Variants in BICD1 observed in about 807,000 individuals in gnomAD.
The protein encoded by BICD1 is protein bicaudal D homolog 1.
BICD1 carries 35 observed loss-of-function variants against 92.5 expected under a neutral mutation model. The ratio of observed to expected loss-of-function variants is 0.38; its 90% CI spans 0.29 to 0.50. BICD1 has a LOEUF of 0.50. Ranked by LOEUF, BICD1 falls within the 20% of genes least tolerant of loss-of-function variation. BICD1 has a pLI of 0.93. For synonymous variants in BICD1, 429 were observed against 465.1 expected, an observed-to-expected ratio of 0.92 and a Z score of 1.00; for missense variants, 950 against 1,189.8, an observed-to-expected ratio of 0.80 and a Z score of 2.97.
chr12:32,114,679 T>TA (rs1323060897), intron 1 of BICD1, among the ~76,000 whole-genome samples: 3 of 152,086 alleles, frequency 2.0e-5, no homozygotes, highest in Admixed American at 6.6e-5. Flanking sequence ...TTCAATTTAA[T>TA]AAAAAAAATT....
At chr12:32,372,637 G>A (rs181539665) in intron 9 of BICD1, among the ~76,000 whole-genome samples, 1 of 152,244 alleles carries the variant, frequency 6.6e-6, no homozygotes, top group Non-Finnish European at 1.5e-5. Context: ...CCAGCACTTT[G>A]GAAGGCTGAG....
chr12:32,142,763 A>C (rs184981693), intron 1 of BICD1, among the ~76,000 whole-genome samples: 139 of 152,218 alleles, frequency 9.1e-4, no homozygotes, highest in Non-Finnish European at 1.3e-3. Context: ...TCTTTTCTTC[A>C]ATTGTTGACA....
At chr12:32,225,621 G>GTTTTTGTTTTTGT (rs1411722126) in intron 2 of BICD1, among the ~76,000 whole-genome samples, 1 of 92,776 alleles carries the variant, frequency 1.1e-5, no homozygotes, top group African/African-American at 3.7e-5. Context: ...CTTTTTTTCT[G>GTTTTTGTTTTTGT]TTTTTTTTTT....
At chr12:32,353,927 G>T (rs1164964451) in intron 8 of BICD1, 1 of 152,140 alleles carries the variant, frequency 6.6e-6, no homozygotes, top group Non-Finnish European at 1.5e-5. Context: ...ACTGGTGTAA[G>T]AATCTGGCAG....
chr12:32,254,917 G>A (rs983186311), intron 2 of BICD1, among the ~76,000 whole-genome samples: 1 of 152,286 alleles, frequency 6.6e-6, no homozygotes, highest in African/African-American at 2.4e-5. Flanking sequence ...GATGCATTCA[G>A]TGTTTTCATG....
chr12:32,137,234 A>G (rs1053214482), intron 1 of BICD1, among the ~76,000 whole-genome samples: 1 of 152,078 alleles, frequency 6.6e-6, no homozygotes, highest in Admixed American at 6.5e-5. Flanking sequence ...GATTACAGGC[A>G]TGCGCCACCA....
chr12:32,171,117 G>T (rs910295111), intron 1 of BICD1, among the ~76,000 whole-genome samples: 1 of 152,208 alleles, frequency 6.6e-6, no homozygotes, highest in African/African-American at 2.4e-5. Context: ...TCCTGGGGAT[G>T]CCTCTCAATA....
At chr12:32,268,419 A>C (rs1281054628) in intron 2 of BICD1, among the ~76,000 whole-genome samples, 1 of 152,224 alleles carries the variant, frequency 6.6e-6, no homozygotes, top group African/African-American at 2.4e-5. Context: ...CCCATCGTAA[A>C]AAAGAAATAC....
At chr12:32,335,828 G>T (rs927983515) in intron 6 of BICD1, among the ~76,000 whole-genome samples, 1 of 151,818 alleles carries the variant, frequency 6.6e-6, no homozygotes, top group Non-Finnish European at 1.5e-5. Context: ...CAAGAGATCC[G>T]CCCACCTCGG....
rs1272258886 is a variant in BICD1 at position 32,305,773 on chromosome 12, A to G, written c.656A>G (p.Asp219Gly). 5.0e-6 allele frequency: 8 copies of G among 1,614,102 alleles called. No homozygotes were observed. Among genetic ancestry groups the G allele is most frequent in the African/African-American group, 1.3e-5 (1 of 74,938 alleles). Residue 219 changes from aspartate to glycine, a missense_variant, in exon 4 of 10, where the codon GAT (aspartate) becomes GGT (glycine). Asp to Gly is a moderately conservative substitution (Grantham distance 94). Coordinates refer to ENST00000652176, the MANE Select transcript of BICD1 (RefSeq NM_001714.4). ...GTACTGCTGAACAGCCAGCTGGAAGATGCCATCCGATTGAAAGAGATTGCT... is the reference window on the plus strand; with the variant it reads ...GTACTGCTGAACAGCCAGCTGGAAGGTGCCATCCGATTGAAAGAGATTGCT... ...ETVLLNSQLE[D>G]AIRLKEIAEH...
chr12:32,191,491 C>T (rs972189450), intron 1 of BICD1, among the ~76,000 whole-genome samples: 19 of 150,752 alleles, frequency 1.3e-4, no homozygotes, highest in African/African-American at 1.7e-4. Context: ...ACGTTTTTCC[C>T]GCATGTGCTC....
rs191238273 is a variant in BICD1, at chr12:32,209,692, C to G, written c.214-6555C>G. Reference sequence around the variant, plus strand: ...TGGCAGTGCTGTAATTCTTGCTTAGCAACACTTATATCTAAGCTTTCTTCT... The same window carrying G: ...TGGCAGTGCTGTAATTCTTGCTTAGGAACACTTATATCTAAGCTTTCTTCT... On this transcript the variant is annotated intron_variant, in intron 1 of 9. Coordinates refer to ENST00000652176, the MANE Select transcript of BICD1 (RefSeq NM_001714.4). Among the ~76,000 whole-genome samples, 545 of 152,240 alleles carry G rather than the reference C, an allele frequency of 3.6e-3. 2 individuals are homozygous for G. The highest frequency in any genetic ancestry group is 5.6e-3 in the Non-Finnish European group (383 of 68,020).
In BICD1 at chr12:32,117,753, TATATA is replaced by T. The variant is rs370166726; in HGVS notation, c.213+10210_213+10214del. Among the ~76,000 whole-genome samples, 208 of 104,074 alleles carry T rather than the reference TATATA, an allele frequency of 2.0e-3. 1 individual carries two copies. Among genetic ancestry groups the T allele is most frequent in the East Asian group, 5.0e-3 (20 of 4,022 alleles). The allele number at this position is 104,074 out of a possible 152,430, so 68.3% of individuals were successfully genotyped here. ...ACACACACATATATATATATATATA[TATATA>T]TTTTTTTTTAAGACCATATTTCGCT... On this transcript the variant is annotated intron_variant, in intron 1 of 9. Coordinates refer to ENST00000652176, the MANE Select transcript of BICD1 (RefSeq NM_001714.4).
intron 2 of BICD1, among the ~76,000 whole-genome samples, chr12:32,250,038 C>T (rs1192622362): frequency 6.6e-6 from 1 of 151,790 alleles, no homozygotes; most frequent in Non-Finnish European, 1.5e-5. Flanking sequence ...AGACAAGAAG[C>T]ATATTATTAT....
At chr12:32,113,994 C>A (rs1242346239) in intron 1 of BICD1, among the ~76,000 whole-genome samples, 1 of 152,054 alleles carries the variant, frequency 6.6e-6, no homozygotes, top group African/African-American at 2.4e-5. Context: ...GCGTCAGCCA[C>A]CTGTAGATGG....
intron 1 of BICD1, among the ~76,000 whole-genome samples, chr12:32,113,857 C>A (rs1565522725): frequency 6.6e-6 from 1 of 150,644 alleles, no homozygotes; most frequent in African/African-American, 2.4e-5. Flanking sequence ...CTACAGGTGC[C>A]TGCCACCATG....
intron 4 of BICD1, among the ~76,000 whole-genome samples, chr12:32,321,525 A>AGAT (rs1948656164): frequency 6.6e-6 from 1 of 152,220 alleles, no homozygotes; most frequent in Admixed American, 6.5e-5. Context: ...CAGAAAATGA[A>AGAT]GATTGTAGGA....
chr12:32,220,983 C>G (rs1592501049), intron 2 of BICD1, among the ~76,000 whole-genome samples: 2 of 149,716 alleles, frequency 1.3e-5, no homozygotes, highest in Admixed American at 1.3e-4. Flanking sequence ...TCTCCGTAAA[C>G]TATTGCAAGA....
intron 1 of BICD1, among the ~76,000 whole-genome samples, chr12:32,121,497 G>A (rs1344694247): frequency 6.6e-6 from 1 of 151,814 alleles, no homozygotes; most frequent in East Asian, 2.0e-4. Context: ...GGAGGCTGAG[G>A]CAGGAGAAAC....
Sources: allele counts gnomAD v4.1 joint callset (sites outside exome capture counted in the v4.1 genomes callset), GRCh38; gene constraint gnomAD v4.1.1; transcripts MANE v1.5; gene names NCBI Gene and HGNC (gene_info 2026-07-23, HGNC 2026-07-21).